PDCD10: variants seen among roughly 807,000 people sequenced by gnomAD.
PDCD10 encodes programmed cell death 10, also known as programmed cell death protein 10.
A neutral mutation model predicts 29.2 loss-of-function variants in PDCD10; 4 were observed. The observed-to-expected ratio is 0.14, with a 90% CI of 0.07 to 0.31. PDCD10 has a LOEUF of 0.31. Among genes scored for constraint, PDCD10 ranks in the 10% least tolerant of loss-of-function variants. PDCD10 has a pLI of 1.00. For synonymous variants in PDCD10, 70 were observed against 82.2 expected (o/e 0.85, Z 0.80); for missense variants, 183 against 257.9 (o/e 0.71, Z 1.99).
chr3:167,687,002 C>T (rs1357028718), intron 8 of PDCD10, among the ~76,000 whole-genome samples: 2 of 152,192 alleles, frequency 1.3e-5, no homozygotes, highest in Admixed American at 6.5e-5. Flanking sequence ...CCAAATCTAA[C>T]ATATTTACTA....
In PDCD10 at chr3:167,683,759, G is replaced by C. The variant is rs943263486; in HGVS notation, c.*549C>G. On this transcript the variant is annotated 3_prime_UTR_variant, in exon 9 of 9. Transcript: ENST00000392750. ...ATTAAGGACAAAAATAGAAATTCTT[G>C]CTTTATTATTTGATAAACTGCTGAT... 24 of 150,158 alleles carry C rather than the reference G, an allele frequency of 1.6e-4. No homozygotes were observed. The highest frequency in any genetic ancestry group is 5.6e-4 in the African/African-American group (23 of 40,994). 9.3% of individuals were successfully genotyped at this position (150,158 alleles called of 1,614,324 possible).
intron 2 of PDCD10, among the ~76,000 whole-genome samples, chr3:167,724,874 A>G (rs1458138601): frequency 6.6e-6 from 1 of 152,240 alleles, no homozygotes; most frequent in African/African-American, 2.4e-5. Context: ...ACAAATTCTA[A>G]TTAAGGAGGT....
At chr3:167,692,739 A>T (rs1354662867) in intron 6 of PDCD10, among the ~76,000 whole-genome samples, 1 of 152,210 alleles carries the variant, frequency 6.6e-6, no homozygotes, top group Non-Finnish European at 1.5e-5. Flanking sequence ...TAACACAGTG[A>T]AACCCCATCT....
chr3:167,686,996 A>C (rs1719693746), intron 8 of PDCD10, among the ~76,000 whole-genome samples: 1 of 152,164 alleles, frequency 6.6e-6, no homozygotes, highest in Admixed American at 6.6e-5. Flanking sequence ...GGCCCACCAA[A>C]TCTAACATAT....
At position 167,718,837 on chromosome 3, in the gene PDCD10, A is replaced by G. The variant is rs77298123; in HGVS notation, c.96+1225T>C. Among the ~76,000 whole-genome samples the G allele has an allele frequency of 3.3e-3, 498 of 151,944 alleles. 2 individuals carry two copies. The highest frequency in any genetic ancestry group is 0.011 in the African/African-American group (470 of 41,446). ...ATAAGAACTTGAGTTTCTCATACTG[A>G]GTCATAACAATACTAGCCCTGGACC... On this transcript the variant is annotated intron_variant, in intron 3 of 8. Transcript: ENST00000392750.
chr3:167,729,629 T>C (rs1474334638), intron 2 of PDCD10, among the ~76,000 whole-genome samples: 1 of 152,208 alleles, frequency 6.6e-6, no homozygotes, highest in South Asian at 2.1e-4. Context: ...AGAGATCCTG[T>C]AAAATGCTTA....
chr3:167,708,936 T>C (rs1219495110), intron 3 of PDCD10, among the ~76,000 whole-genome samples: 2 of 152,092 alleles, frequency 1.3e-5, no homozygotes, highest in East Asian at 1.9e-4. Flanking sequence ...GTTGTTGAGA[T>C]AGTGAAGTAC....
intron 4 of PDCD10, among the ~76,000 whole-genome samples, chr3:167,703,143 T>C (rs1239866887): frequency 2.0e-5 from 3 of 152,166 alleles, no homozygotes; most frequent in African/African-American, 2.4e-5. Context: ...GACTTTTCTC[T>C]TAGCAATACT....
At chr3:167,728,949 G>A (rs1456408651) in intron 2 of PDCD10, among the ~76,000 whole-genome samples, 1 of 152,178 alleles carries the variant, frequency 6.6e-6, no homozygotes, top group Non-Finnish European at 1.5e-5. Context: ...AAGTTCAACA[G>A]ACATGGTGAA....
rs181739241 is a variant in PDCD10 at position 167,708,235 on chromosome 3, C to T, written c.97-3340G>A. On this transcript the variant is annotated intron_variant, in intron 3 of 8. Transcript: ENST00000392750. ...TCCAAAAGTATCAGTTTCTTCTACA[C>T]TTTTCCAGCATCAAGTTTCCTAAAA... Among the ~76,000 whole-genome samples, 359 of 151,312 alleles carry T rather than the reference C, an allele frequency of 2.4e-3. 1 individual carries two copies. Among genetic ancestry groups the T allele is most frequent in the Admixed American group, 5.5e-3 (83 of 15,186 alleles).
At chr3:167,690,144 T>C (rs1007636014) in intron 6 of PDCD10, among the ~76,000 whole-genome samples, 2 of 152,096 alleles carry the variant, frequency 1.3e-5, no homozygotes, top group Admixed American at 1.3e-4. Context: ...ATAGTATGAG[T>C]AGAAGGAGAA....
intron 2 of PDCD10, among the ~76,000 whole-genome samples, chr3:167,732,963 C>T (rs1724971450): frequency 6.6e-6 from 1 of 152,314 alleles, no homozygotes; most frequent in African/African-American, 2.4e-5. Context: ...TACTACATTA[C>T]TTATGGTACA....
intron 6 of PDCD10, among the ~76,000 whole-genome samples, chr3:167,692,424 T>C (rs1720346890): frequency 1.3e-5 from 2 of 152,208 alleles, no homozygotes. Flanking sequence ...AGGTCAGACG[T>C]GGAATTTTCC....
chr3:167,700,849 C>T (rs1283144021), intron 4 of PDCD10, among the ~76,000 whole-genome samples: 6 of 152,128 alleles, frequency 3.9e-5, no homozygotes, highest in Admixed American at 1.3e-4. Flanking sequence ...TTAAGAAAAT[C>T]TTTGAGGAAA....
At chr3:167,727,598 T>C (rs1005624184) in intron 2 of PDCD10, among the ~76,000 whole-genome samples, 2 of 152,208 alleles carry the variant, frequency 1.3e-5, no homozygotes, top group Admixed American at 1.3e-4. Context: ...TCTTAGTTTC[T>C]CCAATACGAT....
At chr3:167,703,274 C>T (rs768146420) in intron 4 of PDCD10, among the ~76,000 whole-genome samples, 27 of 151,182 alleles carry the variant, frequency 1.8e-4, no homozygotes, top group Non-Finnish European at 3.4e-4. Flanking sequence ...AAGAAAACAA[C>T]AATAAAAAAA....
intron 4 of PDCD10, among the ~76,000 whole-genome samples, chr3:167,701,702 G>A (rs1721456781): frequency 6.6e-6 from 1 of 152,144 alleles, no homozygotes; most frequent in African/African-American, 2.4e-5. Context: ...GGAAATGGCT[G>A]TCAACAATCC....
chr3:167,705,635 A>C (rs2108440430), intron 3 of PDCD10, among the ~76,000 whole-genome samples: 1 of 152,300 alleles, frequency 6.6e-6, no homozygotes, highest in Middle Eastern at 3.4e-3. Context: ...AAGCAACAGA[A>C]TCTGACAAGA....
intron 6 of PDCD10, among the ~76,000 whole-genome samples, chr3:167,691,990 TTAAGA>T (rs1327148200): frequency 6.6e-6 from 1 of 152,240 alleles, no homozygotes; most frequent in Non-Finnish European, 1.5e-5. Flanking sequence ...ATGATTGTTA[TTAAGA>T]TGACATTGAT....
Sources: allele counts gnomAD v4.1 joint callset (sites outside exome capture counted in the v4.1 genomes callset), GRCh38; gene constraint gnomAD v4.1.1; transcripts MANE v1.5; gene names NCBI Gene and HGNC (gene_info 2026-07-23, HGNC 2026-07-21).